The following UBAC2 variants were observed in gnomAD, a reference collection of about 807,000 sequenced individuals.
UBAC2 encodes the protein UBA domain containing 2, also known as ubiquitin-associated domain-containing protein 2.
UBAC2 carries 26 observed loss-of-function variants against 44.0 expected under a neutral mutation model. The ratio of observed to expected loss-of-function variants is 0.59; its 90% confidence interval spans 0.43 to 0.82. The LOEUF is 0.82. Ranked by LOEUF, UBAC2 falls within the 40% of genes least tolerant of loss-of-function variation. The pLI is 0.00. For missense variants in UBAC2, 329 were observed against 419.4 expected (o/e 0.78, Z 1.88); for synonymous variants, 155 against 154.3 (o/e 1.00, Z -0.04).
rs559603910 is a variant in UBAC2, at chr13:99,344,755, A to G, written c.807+4190A>G. Among the ~76,000 whole-genome samples, 49 of 152,138 alleles carry G rather than the reference A, an allele frequency of 3.2e-4. 1 individual carries two copies. In the South Asian group the frequency reaches 9.8e-3, roughly 30 times the overall value. ...TGCCATCTGGCAGGTGCTCGCTGCCACCCCCTGCCACGTGCTCCTCGTGTG... is the reference window on the plus strand; with the variant it reads ...TGCCATCTGGCAGGTGCTCGCTGCCGCCCCCTGCCACGTGCTCCTCGTGTG... On this transcript the variant is annotated intron_variant, in intron 7 of 8. Coordinates refer to ENST00000403766, the MANE Select transcript of UBAC2 (RefSeq NM_001144072.2).
intron 1 of UBAC2, among the ~76,000 whole-genome samples, chr13:99,207,786 G>A (rs780996723): frequency 1.3e-3 from 193 of 152,192 alleles, no homozygotes; most frequent in Non-Finnish European, 1.8e-3. Flanking sequence ...CTCCACCTTC[G>A]TTCCAGCTTA....
intron 7 of UBAC2, among the ~76,000 whole-genome samples, chr13:99,342,927 GT>G (rs1018261387): frequency 6.6e-6 from 1 of 152,218 alleles, no homozygotes; most frequent in African/African-American, 2.4e-5. Context: ...TCATGCAGCC[GT>G]TTCTTTCAGC....
chr13:99,296,691 T>C (rs1594099805), intron 4 of UBAC2, among the ~76,000 whole-genome samples: 1 of 152,166 alleles, frequency 6.6e-6, no homozygotes, highest in Non-Finnish European at 1.5e-5. Context: ...CTGATTTGTG[T>C]TAACCTAAAA....
intron 1 of UBAC2, chr13:99,205,810 C>G (rs886416526): frequency 1.8e-5 from 3 of 165,628 alleles, no homozygotes; most frequent in Admixed American, 6.5e-5. Context: ...CCTCCCTCAC[C>G]GTTCCATGTG....
At chr13:99,278,562 C>G (rs1291192880) in intron 4 of UBAC2, among the ~76,000 whole-genome samples, 1 of 152,048 alleles carries the variant, frequency 6.6e-6, no homozygotes, top group Admixed American at 6.6e-5. Context: ...ATCATCATAG[C>G]TTGAAAAATG....
At chr13:99,315,814 GTT>G (rs1360441677) in intron 5 of UBAC2, among the ~76,000 whole-genome samples, 2 of 151,588 alleles carry the variant, frequency 1.3e-5, no homozygotes, top group Non-Finnish European at 2.9e-5. Flanking sequence ...TTCTTGTTTT[GTT>G]TTTGGCATAA....
chr13:99,282,877 T>C (rs1204254741), intron 4 of UBAC2, among the ~76,000 whole-genome samples: 1 of 152,206 alleles, frequency 6.6e-6, no homozygotes, highest in Non-Finnish European at 1.5e-5. Flanking sequence ...GGTTGGATTT[T>C]TTGGTATATG....
chr13:99,296,825 TGA>T (rs1397412912), intron 4 of UBAC2, among the ~76,000 whole-genome samples: 1 of 151,794 alleles, frequency 6.6e-6, no homozygotes, highest in African/African-American at 2.4e-5. Context: ...ATAAAGAAAA[TGA>T]GAGAGAAAAA....
At chr13:99,263,682 G>A (rs1270651177) in intron 4 of UBAC2, among the ~76,000 whole-genome samples, 1 of 152,214 alleles carries the variant, frequency 6.6e-6, no homozygotes, top group African/African-American at 2.4e-5. Context: ...AGGAGACATG[G>A]ACAAGAATGT....
At chr13:99,203,769 G>A (rs2042834882) in intron 1 of UBAC2, among the ~76,000 whole-genome samples, 1 of 152,204 alleles carries the variant, frequency 6.6e-6, no homozygotes, top group Non-Finnish European at 1.5e-5. Flanking sequence ...GCATGGTCAC[G>A]GAGGGTAGCC....
intron 7 of UBAC2, among the ~76,000 whole-genome samples, chr13:99,362,760 A>C (rs1034960968): frequency 1.3e-5 from 2 of 152,126 alleles, no homozygotes; most frequent in African/African-American, 4.8e-5. Context: ...TTGATTTATT[A>C]AGTCTCATTG....
At chr13:99,312,133 G>C (rs528323330) in intron 4 of UBAC2, among the ~76,000 whole-genome samples, 1 of 152,280 alleles carries the variant, frequency 6.6e-6, no homozygotes, top group East Asian at 1.9e-4. Context: ...ATTTTGGTTT[G>C]GTTTTGTTTT....
At chr13:99,322,794 C>G (rs16956459) in intron 6 of UBAC2, among the ~76,000 whole-genome samples, 2,643 of 152,224 alleles carry the variant, frequency 0.017, 83 homozygotes, top group African/African-American at 0.061. Context: ...AAACACTTTA[C>G]GATGGTGCAA....
intron 7 of UBAC2, chr13:99,351,716 A>T (rs1182833334): frequency 2.2e-6 from 1 of 456,652 alleles, no homozygotes; most frequent in Non-Finnish European, 4.4e-6. Context: ...TTAGAAGCAG[A>T]ACTAAGGTGA....
At position 99,242,367 on chromosome 13, in the gene UBAC2, C is replaced by G. The variant is rs796565049; in HGVS notation, c.160-1465C>G. On this transcript the variant is annotated intron_variant, in intron 2 of 8. Transcript: ENST00000403766. ...CCTCCCTCCCGGACGGGGCGGCTGTCCGGGCAGAGGGGCTCCTCACTTCCC... is the reference window on the plus strand; with the variant it reads ...CCTCCCTCCCGGACGGGGCGGCTGTGCGGGCAGAGGGGCTCCTCACTTCCC... Among the ~76,000 whole-genome samples the G allele has an allele frequency of 2.2e-3, 319 of 146,240 alleles. 2 individuals carry two copies. Among genetic ancestry groups the G allele is most frequent in the South Asian group, 0.011 (48 of 4,528 alleles).
intron 4 of UBAC2, among the ~76,000 whole-genome samples, chr13:99,247,070 A>AAGTGATCCTCC (rs1223744957): frequency 6.6e-6 from 1 of 152,166 alleles, no homozygotes; most frequent in Non-Finnish European, 1.5e-5. Context: ...TCCTGGGCTC[A>AAGTGATCCTCC]AGTGATCCTC....
chr13:99,288,175 A>G (rs1192465844), intron 4 of UBAC2, among the ~76,000 whole-genome samples: 2 of 152,176 alleles, frequency 1.3e-5, no homozygotes, highest in Non-Finnish European at 2.9e-5. Context: ...TTCTTCTCAA[A>G]ATCTGCCTGG....
chr13:99,370,459 A>G lies in UBAC2; in HGVS notation c.927+2553A>G, dbSNP rs184973711. ...AAAGAAAGTTAAGAGTGTTGCCATC[A>G]TAATACTTTGAAGTTTCCCTCTGCC... On this transcript the variant is annotated intron_variant, in intron 8 of 8. Transcript: ENST00000403766. Among the ~76,000 whole-genome samples, 42 of 152,366 alleles carry G rather than the reference A, an allele frequency of 2.8e-4. No individual in the cohort carries two copies. In the East Asian group the frequency reaches 5.6e-3, roughly 20 times the overall value.
At chr13:99,331,560 CAT>C (rs2044716397) in intron 6 of UBAC2, among the ~76,000 whole-genome samples, 1 of 152,336 alleles carries the variant, frequency 6.6e-6, no homozygotes, top group East Asian at 1.9e-4. Context: ...TCTATTCCCT[CAT>C]ATGAGATAGA....
Sources: allele counts gnomAD v4.1 joint callset (sites outside exome capture counted in the v4.1 genomes callset), GRCh38; gene constraint gnomAD v4.1.1; transcripts MANE v1.5; gene names NCBI Gene and HGNC (gene_info 2026-07-23, HGNC 2026-07-21).